CEP128: variants seen among roughly 807,000 people sequenced by gnomAD.
CEP128 encodes centrosomal protein 128kDa.
CEP128 carries 132 observed loss-of-function variants against 156.7 expected under a neutral mutation model. That is an observed-to-expected ratio of 0.84 (90% CI 0.73 to 0.97). CEP128 has a LOEUF of 0.97. Among genes scored for constraint, CEP128 ranks in the 50% least tolerant of loss-of-function variants. CEP128 has a pLI of 0.00. For synonymous variants in CEP128, 469 were observed against 448.9 expected, an observed-to-expected ratio of 1.04 and a Z score of -0.57; for missense variants, 1,252 against 1,281.9, an observed-to-expected ratio of 0.98 and a Z score of 0.36.
At chr14:80,660,280 T>C (rs1895343071) in intron 19 of CEP128, among the ~76,000 whole-genome samples, 1 of 152,162 alleles carries the variant, frequency 6.6e-6, no homozygotes, top group African/African-American at 2.4e-5. Context: ...CTCTGTAAAA[T>C]TTAAAGCCTT....
At chr14:80,562,163 T>G (rs1207442607) in intron 20 of CEP128, among the ~76,000 whole-genome samples, 1 of 152,020 alleles carries the variant, frequency 6.6e-6, no homozygotes, top group African/African-American at 2.4e-5. Flanking sequence ...CCTGACCTCG[T>G]GATCCACCCG....
intron 19 of CEP128, among the ~76,000 whole-genome samples, chr14:80,635,006 G>A (rs984259875): frequency 1.3e-5 from 2 of 152,124 alleles, no homozygotes; most frequent in African/African-American, 2.4e-5. Flanking sequence ...GCTCCCAGAC[G>A]ACCAGGCCTC....
intron 8 of CEP128, among the ~76,000 whole-genome samples, chr14:80,881,699 A>G (rs1231103279): frequency 2.0e-5 from 3 of 152,226 alleles, no homozygotes; most frequent in African/African-American, 7.2e-5. Flanking sequence ...GATGAATTCA[A>G]TAACACATTG....
In CEP128 at chr14:80,813,368, T is replaced by A. The variant is rs979115120; in HGVS notation, c.1209+17775A>T. On this transcript the variant is annotated intron_variant, in intron 13 of 24. Coordinates refer to ENST00000555265, the MANE Select transcript of CEP128 (RefSeq NM_152446.5). ...TTACATTTTACATTTAAGTCCTTAA[T>A]CCATCTTGAGTTGATTTTTGTATAT... Among the ~76,000 whole-genome samples, 9 of 152,288 alleles carry A rather than the reference T, an allele frequency of 5.9e-5. No homozygotes were observed. The East Asian group carries it at 1.5e-3, about 26-fold the overall frequency.
chr14:80,777,860 T>C (rs1193843394), intron 16 of CEP128, 22 bp downstream of exon 16: 1 of 1,482,122 alleles, frequency 6.7e-7, no homozygotes, highest in Non-Finnish European at 9.3e-7. Flanking sequence ...AATTTGAAAT[T>C]AGAATTCACT....
chr14:80,764,793 A>G (rs1900158963), intron 16 of CEP128, among the ~76,000 whole-genome samples: 2 of 152,198 alleles, frequency 1.3e-5, no homozygotes, highest in South Asian at 4.1e-4. Flanking sequence ...TATATGCAAC[A>G]ATTAAACTAA....
chr14:80,809,204 T>A (rs1166567218), intron 13 of CEP128, among the ~76,000 whole-genome samples: 2 of 152,162 alleles, frequency 1.3e-5, no homozygotes, highest in Admixed American at 1.3e-4. Context: ...AATTCTGGAA[T>A]TGAAGAATTC....
intron 19 of CEP128, among the ~76,000 whole-genome samples, chr14:80,679,315 C>T (rs780716825): frequency 6.6e-5 from 10 of 152,260 alleles, no homozygotes; most frequent in Admixed American, 2.6e-4. Flanking sequence ...TCTTGCAGAG[C>T]GCCTATAAAC....
intron 16 of CEP128, among the ~76,000 whole-genome samples, chr14:80,776,416 T>TAATC (rs1401330302): frequency 6.6e-6 from 1 of 151,032 alleles, no homozygotes; most frequent in African/African-American, 2.4e-5. Context: ...TAAGCACATT[T>TAATC]AATCATAAAC....
In CEP128 at chr14:80,749,869, T is replaced by C. The variant is rs1425112939; in HGVS notation, c.2614-6602A>G. Reference sequence around the variant, plus strand: ...TACATTGCATGCCTATAGCAAAATATCAACTTTTAGCAGATTACAAATTAA... The same window carrying C: ...TACATTGCATGCCTATAGCAAAATACCAACTTTTAGCAGATTACAAATTAA... On this transcript the variant is annotated intron_variant, in intron 18 of 24. Coordinates refer to ENST00000555265, the MANE Select transcript of CEP128 (RefSeq NM_152446.5). 3.3e-5 allele frequency among the ~76,000 whole-genome samples: 5 copies of C among 152,166 alleles called. No individual in the cohort carries two copies. The South Asian group carries it at 6.2e-4, about 19-fold the overall frequency.
intron 19 of CEP128, among the ~76,000 whole-genome samples, chr14:80,611,026 T>C (rs1595085886): frequency 6.6e-6 from 1 of 152,216 alleles, no homozygotes; most frequent in African/African-American, 2.4e-5. Flanking sequence ...AGGATACATA[T>C]AAAAATAGGA....
intron 19 of CEP128, among the ~76,000 whole-genome samples, chr14:80,736,022 T>C (rs990802874): frequency 5.9e-5 from 9 of 152,280 alleles, no homozygotes; most frequent in African/African-American, 2.2e-4. Flanking sequence ...TATTCACAGA[T>C]TCAACCCAGT....
At chr14:80,652,471 C>G (rs1368992328) in intron 19 of CEP128, among the ~76,000 whole-genome samples, 1 of 152,090 alleles carries the variant, frequency 6.6e-6, no homozygotes, top group Non-Finnish European at 1.5e-5. Context: ...TACCCAGAAT[C>G]TACAAGCAAC....
At chr14:80,552,659 G>T (rs574480635) in intron 21 of CEP128, among the ~76,000 whole-genome samples, 4 of 152,208 alleles carry the variant, frequency 2.6e-5, no homozygotes, top group Non-Finnish European at 4.4e-5. Flanking sequence ...GTGCCTCCCT[G>T]ATTGCTGATG....
chr14:80,640,574 C>T (rs1004773990), intron 19 of CEP128, among the ~76,000 whole-genome samples: 2 of 152,106 alleles, frequency 1.3e-5, no homozygotes, highest in Non-Finnish European at 2.9e-5. Flanking sequence ...TTTACCTCTC[C>T]AATACCTCAT....
intron 2 of CEP128, among the ~76,000 whole-genome samples, chr14:80,931,494 T>C (rs930497967): frequency 1.3e-5 from 2 of 152,192 alleles, no homozygotes; most frequent in African/African-American, 2.4e-5. Context: ...CATCATCTCT[T>C]ATACACAGAA....
chr14:80,842,675 T>C (rs1167244717), intron 9 of CEP128, among the ~76,000 whole-genome samples: 1 of 151,934 alleles, frequency 6.6e-6, no homozygotes, highest in East Asian at 1.9e-4. Context: ...TTCTTTTCCA[T>C]TTGACTTAAA....
At chr14:80,836,104 T>G (rs922315774) in intron 12 of CEP128, 101 bp downstream of exon 12, 32 of 1,073,282 alleles carry the variant, frequency 3.0e-5, no homozygotes, top group Non-Finnish European at 4.4e-5. Flanking sequence ...GACGTGAGCA[T>G]CACAAAGGAA....
At chr14:80,636,742 A>G (rs1894196784) in intron 19 of CEP128, among the ~76,000 whole-genome samples, 2 of 152,136 alleles carry the variant, frequency 1.3e-5, no homozygotes, top group Non-Finnish European at 1.5e-5. Flanking sequence ...TGGCCTCCCC[A>G]TTTCCATTTT....
Sources: gnomAD v4.1 joint callset for allele counts (sites outside exome capture counted in the v4.1 genomes callset) on GRCh38, gnomAD v4.1.1 for gene constraint, MANE v1.5 for transcripts, NCBI Gene and HGNC (gene_info 2026-07-23, HGNC 2026-07-21) for gene names.